NINJ2: variants seen among roughly 807,000 people sequenced by gnomAD.
NINJ2 encodes ninjurin 2.
Under a neutral mutation model 11.7 loss-of-function variants are expected in NINJ2, and 12 were observed. The observed-to-expected ratio is 1.02, with a 90% CI of 0.66 to 1.66. The LOEUF (loss-of-function observed/expected upper bound fraction) is 1.66. NINJ2 is among the 40% of genes most tolerant of loss of function. The pLI is 0.00. For synonymous variants in NINJ2, 93 were observed against 76.8 expected, an observed-to-expected ratio of 1.21 and a Z score of -1.10; for missense variants, 187 against 181.8, an observed-to-expected ratio of 1.03 and a Z score of -0.16.
Position 614,627 on chromosome 12 carries a change from C to T in NINJ2, c.34-48449G>A, listed in dbSNP as rs187358192. 3.0e-4 allele frequency among the ~76,000 whole-genome samples: 46 copies of T among 152,304 alleles called. No homozygotes were observed. The East Asian group carries it at 8.3e-3, about 27-fold the overall frequency. On this transcript the variant is annotated intron_variant, in intron 1 of 3. Transcript: ENST00000305108. The surrounding 1 kb of genome is among the most constrained non-coding windows in gnomAD (Gnocchi z 5.1). ...CTCCATGCCTAGACGTTCTTTAGTA[C>T]CTGTGCTCTAAGAGGATTCCTGCTT...
intron 1 of NINJ2, among the ~76,000 whole-genome samples, chr12:596,768 C>CA (rs2120890439): frequency 6.6e-6 from 1 of 151,920 alleles, no homozygotes; most frequent in African/African-American, 2.4e-5. Context: ...ACCAAAAATA[C>CA]AAAAAATTAG....
rs1229744236 is a variant in NINJ2, at chr12:633,076, T to C, written c.33+30252A>G. On this transcript the variant is annotated intron_variant, in intron 1 of 3. Coordinates refer to ENST00000305108, the MANE Select transcript of NINJ2 (RefSeq NM_016533.6). The surrounding 1 kb of genome is among the most constrained non-coding windows in gnomAD (Gnocchi z 4.3). The stretch of plus-strand genomic sequence containing the variant: ...ATATACCTCAGCCTGGCATTGGGCT[T>C]GGGGCAAAGATCTAGGACTTTCTTT... Among the ~76,000 whole-genome samples the C allele has an allele frequency of 6.6e-6, 1 of 152,258 alleles. No homozygotes were observed. Among genetic ancestry groups the C allele is most frequent in the East Asian group, 1.9e-4 (1 of 5,176 alleles).
In NINJ2 at chr12:614,383, TG is replaced by T. The variant is rs1948068201; in HGVS notation, c.34-48206del. Among the ~76,000 whole-genome samples, 1 of 151,868 alleles carries T rather than the reference TG, an allele frequency of 6.6e-6. No individual in the cohort carries two copies. Among genetic ancestry groups the T allele is most frequent in the African/African-American group, 2.4e-5 (1 of 41,310 alleles). Reference sequence around the variant, plus strand: ...GAGAACATAAGTCTGGGTCGTTGGGTGGTGGCAGAACAAAATGTTTGGAGAT... The same window carrying T: ...GAGAACATAAGTCTGGGTCGTTGGGTGTGGCAGAACAAAATGTTTGGAGAT... On this transcript the variant is annotated intron_variant, in intron 1 of 3. Coordinates refer to ENST00000305108, the MANE Select transcript of NINJ2 (RefSeq NM_016533.6). The surrounding 1 kb of genome is among the most constrained non-coding windows in gnomAD (Gnocchi z 5.1).
chr12:614,472 G>A lies in NINJ2; in HGVS notation c.34-48294C>T, dbSNP rs1488767380. On this transcript the variant is annotated intron_variant, in intron 1 of 3. Transcript: ENST00000305108. The surrounding 1 kb of genome is among the most constrained non-coding windows in gnomAD (Gnocchi z 5.1). Reference sequence around the variant, plus strand: ...CAGGGGACATGGTGGGGTGGGGGTGGCGGTGTGCCTGTGTGCCCACGGGGG... The same window carrying A: ...CAGGGGACATGGTGGGGTGGGGGTGACGGTGTGCCTGTGTGCCCACGGGGG... Among the ~76,000 whole-genome samples the A allele has an allele frequency of 1.2e-4, 18 of 152,026 alleles. No homozygotes were observed. The highest frequency in any genetic ancestry group is 1.2e-3 in the Admixed American group (18 of 15,252).
Position 633,570 on chromosome 12 carries a change from C to T in NINJ2, c.33+29758G>A, listed in dbSNP as rs1042913225. Among the ~76,000 whole-genome samples, 2 of 152,126 alleles carry T rather than the reference C, an allele frequency of 1.3e-5. No individual in the cohort carries two copies. The highest frequency in any genetic ancestry group is 4.8e-5 in the African/African-American group (2 of 41,430). ...GTGGCCCATGCCCGTAATCCCAGCACTTTGGGAGGCTGAGGCAGGCAGATC... is the reference window on the plus strand; with the variant it reads ...GTGGCCCATGCCCGTAATCCCAGCATTTTGGGAGGCTGAGGCAGGCAGATC... On this transcript the variant is annotated intron_variant, in intron 1 of 3. Coordinates refer to ENST00000305108, the MANE Select transcript of NINJ2 (RefSeq NM_016533.6). This position sits in a 1 kb window ranked among gnomAD's most constrained non-coding sequence, Gnocchi z 4.3.
At chr12:600,787 T>C (rs1290910804) in intron 1 of NINJ2, among the ~76,000 whole-genome samples, 1 of 151,430 alleles carries the variant, frequency 6.6e-6, no homozygotes, top group Non-Finnish European at 1.5e-5. Flanking sequence ...GCTCAGGCAA[T>C]CCTCCCACCT....
intron 1 of NINJ2, among the ~76,000 whole-genome samples, chr12:653,782 C>T (rs1043109459): frequency 6.6e-6 from 1 of 152,084 alleles, no homozygotes; most frequent in African/African-American, 2.4e-5. Flanking sequence ...CCAACTATAT[C>T]AGTAATCACT....
At chr12:610,479 C>T in intron 1 of NINJ2, 9 of 1,531,156 alleles carry the variant, frequency 5.9e-6, no homozygotes, top group Admixed American at 3.9e-5. Context: ...AAAGGGTCAG[C>T]GAGCACAGCC....
chr12:580,461 G>A lies in NINJ2; in HGVS notation c.34-14283C>T, dbSNP rs1178164714. Among the ~76,000 whole-genome samples the A allele has an allele frequency of 6.6e-6, 1 of 151,894 alleles. No homozygotes were observed. The highest frequency in any genetic ancestry group is 1.5e-5 in the Non-Finnish European group (1 of 67,960). ...AAATTAGCCAGATGTGGTGGTGCAC[G>A]CCTATAATTCCAGCTACTCGGGAGG... On this transcript the variant is annotated intron_variant, in intron 1 of 3. Transcript: ENST00000305108. This position sits in a 1 kb window ranked among gnomAD's most constrained non-coding sequence, Gnocchi z 4.7.
intron 1 of NINJ2, among the ~76,000 whole-genome samples, chr12:623,749 T>G (rs1948181351): frequency 6.6e-6 from 1 of 151,840 alleles, no homozygotes; most frequent in Non-Finnish European, 1.5e-5. Context: ...TTTCAAAGAG[T>G]GAGGCTGGGC....
intron 1 of NINJ2, among the ~76,000 whole-genome samples, chr12:634,265 C>CTGTTTTTTTTTTTTTTTTT (rs1948317221): frequency 1.7e-5 from 1 of 59,480 alleles, no homozygotes; most frequent in Non-Finnish European, 3.1e-5. Context: ...AGTTGCAGTT[C>CTGTTTTTTTTTTTTTTTTT]TTTTTTTTTT....
At chr12:574,784 G>A (rs906330877) in intron 1 of NINJ2, among the ~76,000 whole-genome samples, 4 of 152,208 alleles carry the variant, frequency 2.6e-5, no homozygotes, top group African/African-American at 9.7e-5. Context: ...CCCCCAGAAG[G>A]CCAGTGGTTA....
chr12:573,151 G>A (rs186800613), intron 1 of NINJ2, among the ~76,000 whole-genome samples: 1 of 150,232 alleles, frequency 6.7e-6, no homozygotes, highest in African/African-American at 2.5e-5. Context: ...TCAGCCTCCC[G>A]AGTAGCTGGG....
chr12:625,703 T>C (rs1303502395), intron 1 of NINJ2, among the ~76,000 whole-genome samples: 1 of 152,188 alleles, frequency 6.6e-6, no homozygotes, highest in East Asian at 1.9e-4. Context: ...GAGTCTACTA[T>C]AAAGTACCTT....
In NINJ2 at chr12:580,276, A is replaced by G. The variant is rs886287423; in HGVS notation, c.34-14098T>C. Among the ~76,000 whole-genome samples the G allele has an allele frequency of 7.2e-5, 11 of 152,132 alleles. No homozygotes were observed. The highest frequency in any genetic ancestry group is 2.7e-4 in the African/African-American group (11 of 41,422). On this transcript the variant is annotated intron_variant, in intron 1 of 3. Coordinates refer to ENST00000305108, the MANE Select transcript of NINJ2 (RefSeq NM_016533.6). This position sits in a 1 kb window ranked among gnomAD's most constrained non-coding sequence, Gnocchi z 4.7. ...GCGCCTCACCTGGAGTGCTGAATGA[A>G]TGAAGGAGTGAATGAATGATGCATT...
At chr12:627,284 G>T (rs1472190985) in intron 1 of NINJ2, among the ~76,000 whole-genome samples, 1 of 152,244 alleles carries the variant, frequency 6.6e-6, no homozygotes, top group East Asian at 1.9e-4. Flanking sequence ...CTTCTTGTTA[G>T]AAGATTCTGT....
intron 1 of NINJ2, among the ~76,000 whole-genome samples, chr12:613,078 A>C (rs1250684509): frequency 2.0e-5 from 3 of 152,148 alleles, no homozygotes; most frequent in African/African-American, 7.2e-5. Flanking sequence ...GCAGAGTTTC[A>C]ACTGGACCCC....
chr12:594,087 C>G (rs1947751949), intron 1 of NINJ2, among the ~76,000 whole-genome samples: 1 of 151,906 alleles, frequency 6.6e-6, no homozygotes, highest in Non-Finnish European at 1.5e-5. Flanking sequence ...GAACTCCAGG[C>G]TAACGCAATA....
chr12:629,223 G>A (rs1948241699), intron 1 of NINJ2, among the ~76,000 whole-genome samples: 1 of 152,190 alleles, frequency 6.6e-6, no homozygotes, highest in Non-Finnish European at 1.5e-5. Flanking sequence ...ATGATCCTCT[G>A]AGGTAGGTGC....
Sources: gnomAD v4.1 joint callset for allele counts (sites outside exome capture counted in the v4.1 genomes callset) on GRCh38, gnomAD v4.1.1 for gene constraint, Gnocchi (gnomAD v3.1) non-coding constraint, MANE v1.5 for transcripts, NCBI Gene and HGNC (gene_info 2026-07-23, HGNC 2026-07-21) for gene names.